The following DYM variants were observed in gnomAD, a reference collection of about 807,000 sequenced individuals.
The protein encoded by DYM is dymeclin.
A neutral mutation model predicts 93.1 loss-of-function variants in DYM; 78 were observed. That is an observed-to-expected ratio of 0.84 (90% CI 0.70 to 1.01). The LOEUF is 1.01. Ranked by LOEUF, DYM falls within the 50% of genes least tolerant of loss-of-function variation. The pLI, the probability that DYM is intolerant of heterozygous loss-of-function variation, is 0.00. For missense variants in DYM, 789 were observed against 845.0 expected, an observed-to-expected ratio of 0.93 and a Z score of 0.82; for synonymous variants, 321 against 319.7, an observed-to-expected ratio of 1.00 and a Z score of -0.04.
chr18:49,379,618 TCA>T (rs768692932), intron 4 of DYM, 45 bp downstream of exon 4: 1 of 1,454,720 alleles, frequency 6.9e-7, no homozygotes, highest in Admixed American at 1.7e-5. Flanking sequence ...AAACTAAAAT[TCA>T]CATTGTTAAA....
At chr18:49,184,039 C>T (rs1195898579) in intron 14 of DYM, among the ~76,000 whole-genome samples, 2 of 152,132 alleles carry the variant, frequency 1.3e-5, no homozygotes, top group Admixed American at 6.5e-5. Context: ...CCAGTTTCTA[C>T]AACAGTGAGA....
At chr18:49,397,744 C>G (rs539322709) in intron 2 of DYM, among the ~76,000 whole-genome samples, 2 of 152,218 alleles carry the variant, frequency 1.3e-5, no homozygotes, top group Non-Finnish European at 2.9e-5. Flanking sequence ...TGAAATGGTC[C>G]AAACTGAGAT....
chr18:49,037,666 G>A lies in DYM; in HGVS notation c.*6389C>T, dbSNP rs139305364. On this transcript the variant is annotated 3_prime_UTR_variant, in exon 18 of 18. Transcript: ENST00000675505. Reference sequence around the variant, plus strand: ...TTGATATGTAGTATTTTCATGATCAGTTCAAAATATTTCAAATTTCCATTA... The same window carrying A: ...TTGATATGTAGTATTTTCATGATCAATTCAAAATATTTCAAATTTCCATTA... Among the ~76,000 whole-genome samples, 224 of 152,234 alleles carry A rather than the reference G, an allele frequency of 1.5e-3. 4 individuals carry two copies. In the East Asian group the frequency reaches 0.031, roughly 21 times the overall value.
At chr18:49,296,655 G>A (rs1311589706) in intron 8 of DYM, among the ~76,000 whole-genome samples, 4 of 152,034 alleles carry the variant, frequency 2.6e-5, no homozygotes, top group African/African-American at 9.7e-5. Context: ...ATTGGTTGAT[G>A]GACTTTTTAC....
intron 1 of DYM, among the ~76,000 whole-genome samples, chr18:49,437,779 CA>C (rs1264655918): frequency 6.6e-6 from 1 of 152,182 alleles, no homozygotes; most frequent in Non-Finnish European, 1.5e-5. Flanking sequence ...AGCAGTTTTT[CA>C]ATACAATTTT....
At position 49,043,851 on chromosome 18, in the gene DYM, T is replaced by C. The variant is rs908979475; in HGVS notation, c.*204A>G. 2.0e-5 allele frequency: 13 copies of C among 638,970 alleles called. No individual in the cohort carries two copies. The highest frequency in any genetic ancestry group is 3.3e-5 in the Non-Finnish European group (12 of 363,752). 39.6% of individuals were successfully genotyped at this position (638,970 alleles called of 1,614,324 possible). On this transcript the variant is annotated 3_prime_UTR_variant, in exon 18 of 18. Coordinates refer to ENST00000675505, the MANE Select transcript of DYM (RefSeq NM_001353214.3). ...TTATTGTTGTGTATTTCCTCCCCTTTTTGCAATACTATCTACGCTGAGTTA... is the reference window on the plus strand; with the variant it reads ...TTATTGTTGTGTATTTCCTCCCCTTCTTGCAATACTATCTACGCTGAGTTA...
chr18:49,252,244 A>AAAAAAAAAAAAAAAAAAAAAAAAAAAAC (rs2094306807), intron 13 of DYM, among the ~76,000 whole-genome samples: 1 of 148,046 alleles, frequency 6.8e-6, no homozygotes, highest in Admixed American at 6.8e-5. Context: ...AAAAAAAAAG[A>AAAAAAAAAAAAAAAAAAAAAAAAAAAAC]ACTGCCTGAG....
intron 10 of DYM, among the ~76,000 whole-genome samples, chr18:49,276,572 G>C (rs1230445121): frequency 6.6e-6 from 1 of 152,112 alleles, no homozygotes; most frequent in East Asian, 1.9e-4. Flanking sequence ...GAAAAACCAA[G>C]TCTAAAGTTA....
At chr18:49,381,890 A>C (rs2147741006) in intron 3 of DYM, among the ~76,000 whole-genome samples, 1 of 151,908 alleles carries the variant, frequency 6.6e-6, no homozygotes, top group East Asian at 1.9e-4. Flanking sequence ...GAATACCCAG[A>C]GACCTCAGGG....
intron 17 of DYM, among the ~76,000 whole-genome samples, chr18:49,096,244 G>A (rs1207806277): frequency 2.6e-5 from 4 of 152,148 alleles, no homozygotes; most frequent in African/African-American, 9.7e-5. Flanking sequence ...CAGAACATTT[G>A]CCATCTTTGC....
chr18:49,199,181 G>A (rs1221321651), intron 14 of DYM, among the ~76,000 whole-genome samples: 1 of 152,082 alleles, frequency 6.6e-6, no homozygotes, highest in Non-Finnish European at 1.5e-5. Context: ...TGAACAATGA[G>A]AACACTTGGA....
At chr18:49,349,060 T>G (rs1406418196) in intron 6 of DYM, among the ~76,000 whole-genome samples, 1 of 151,674 alleles carries the variant, frequency 6.6e-6, no homozygotes, top group Non-Finnish European at 1.5e-5. Context: ...ATATAAAAAC[T>G]AGCCGAGCAT....
chr18:49,090,703 C>T (rs2078972303), intron 17 of DYM, among the ~76,000 whole-genome samples: 1 of 152,132 alleles, frequency 6.6e-6, no homozygotes, highest in Admixed American at 6.5e-5. Flanking sequence ...GCTCTTCACC[C>T]TCTGAGAAAG....
chr18:49,374,891 G>A (rs925929966), intron 5 of DYM, among the ~76,000 whole-genome samples: 6 of 152,078 alleles, frequency 3.9e-5, no homozygotes, highest in African/African-American at 7.2e-5. Flanking sequence ...CCCAGGAGGC[G>A]GAGGTTGCAG....
chr18:49,173,375 C>G (rs8092538), intron 14 of DYM, among the ~76,000 whole-genome samples: 1 of 152,032 alleles, frequency 6.6e-6, no homozygotes, highest in Non-Finnish European at 1.5e-5. Flanking sequence ...TTGTGTTCAA[C>G]GTATAGATCA....
intron 8 of DYM, among the ~76,000 whole-genome samples, chr18:49,317,924 C>T (rs1319214330): frequency 6.6e-6 from 1 of 152,008 alleles, no homozygotes; most frequent in African/African-American, 2.4e-5. Context: ...GCTTATAACA[C>T]ATTCTTCATA....
intron 13 of DYM, among the ~76,000 whole-genome samples, chr18:49,216,476 C>G (rs944878687): frequency 5.9e-5 from 9 of 152,190 alleles, no homozygotes; most frequent in African/African-American, 2.2e-4. Flanking sequence ...CCCCTGACCC[C>G]CGAGCAGCCT....
At chr18:49,097,886 T>G (rs1475135244) in intron 16 of DYM, among the ~76,000 whole-genome samples, 4 of 145,468 alleles carry the variant, frequency 2.7e-5, no homozygotes, top group African/African-American at 1.1e-4. Context: ...TCTCTCTCTC[T>G]CTCTCTCTCT....
rs1352081060 is a variant in DYM, at chr18:49,257,041, G to A, written c.1429C>T (p.Leu477Phe). ...ATCCTCTGGGCAGCATACTGATGGA[G>A]AGAACGAAACTGTGCCGACATATTT... ...LANMSAQFRS[L>F]HQYAAQRIIS... Residue 477 changes from leucine (L) to phenylalanine (F), a missense_variant, in exon 13 of 18, where the codon CTC becomes TTC. Leu to Phe is a conservative substitution (Grantham distance 22, BLOSUM62 0). This residue lies in a region of DYM where 225 missense variants were observed against 303.0 expected (regional missense o/e 0.74). Coordinates refer to ENST00000675505, the MANE Select transcript of DYM (RefSeq NM_001353214.3). 6.2e-7 allele frequency: 1 copy of A among 1,613,960 alleles called. No individual in the cohort carries two copies. Among genetic ancestry groups the A allele is most frequent in the East Asian group, 2.2e-5 (1 of 44,846 alleles).
Sources: allele counts gnomAD v4.1 joint callset (sites outside exome capture counted in the v4.1 genomes callset), GRCh38; gene constraint gnomAD v4.1.1; regional missense constraint gnomAD v4.1.1; transcripts MANE v1.5; gene names NCBI Gene and HGNC (gene_info 2026-07-23, HGNC 2026-07-21).